The following MAP2K4 variants were observed in gnomAD, a reference collection of about 807,000 sequenced individuals.
MAP2K4 encodes the protein dual specificity mitogen-activated protein kinase kinase 4.
Under a neutral mutation model 48.5 loss-of-function variants are expected in MAP2K4, and 4 were observed. The observed-to-expected ratio is 0.08, with a 90% CI of 0.04 to 0.19. The LOEUF is 0.19. Ranked by LOEUF, MAP2K4 falls within the 10% of genes least tolerant of loss-of-function variation. The pLI is 1.00. For missense variants in MAP2K4, 258 were observed against 493.3 expected, an observed-to-expected ratio of 0.52 and a Z score of 4.52; for synonymous variants, 166 against 173.1, an observed-to-expected ratio of 0.96 and a Z score of 0.32.
chr17:12,022,203 AAAG>A (rs1163441475), intron 1 of MAP2K4, among the ~76,000 whole-genome samples: 1 of 152,226 alleles, frequency 6.6e-6, no homozygotes, highest in Non-Finnish European at 1.5e-5. Flanking sequence ...CATAATTCAG[AAAG>A]AAGAGACAGG....
At chr17:12,044,213 G>A (rs1241088504) in intron 1 of MAP2K4, among the ~76,000 whole-genome samples, 1 of 152,116 alleles carries the variant, frequency 6.6e-6, no homozygotes, top group African/African-American at 2.4e-5. Flanking sequence ...CACACAATTG[G>A]CCCACAGCTT....
At chr17:12,124,837 A>T (rs1972802937) in intron 7 of MAP2K4, 1 of 158,800 alleles carries the variant, frequency 6.3e-6, no homozygotes, top group East Asian at 1.8e-4. Context: ...CACCAGGCCC[A>T]GCTACTTTTT....
rs574381320 is a variant in MAP2K4, at chr17:12,084,670, C to T, written c.393+3140C>T. ...CCTCTACATAAAGTAGGTGCCTGCT[C>T]AGCTCTCTGGCAGGTGGAAATGGGA... On this transcript the variant is annotated intron_variant, in intron 3 of 10. Coordinates refer to ENST00000353533, the MANE Select transcript of MAP2K4 (RefSeq NM_003010.4). Among the ~76,000 whole-genome samples, 5 of 152,292 alleles carry T rather than the reference C, an allele frequency of 3.3e-5. No homozygotes were observed. The East Asian group carries it at 7.7e-4, about 24-fold the overall frequency.
At chr17:12,028,928 C>T (rs1285228978) in intron 1 of MAP2K4, among the ~76,000 whole-genome samples, 3 of 152,134 alleles carry the variant, frequency 2.0e-5, no homozygotes, top group Non-Finnish European at 4.4e-5. Context: ...AGATAATATT[C>T]TTTATTTAAA....
chr17:12,122,662 G>A (rs923224437), intron 7 of MAP2K4, among the ~76,000 whole-genome samples: 6 of 152,108 alleles, frequency 3.9e-5, no homozygotes, highest in African/African-American at 1.4e-4. Context: ...GGGTCCTCCA[G>A]TAGAATCCTG....
intron 1 of MAP2K4, among the ~76,000 whole-genome samples, chr17:12,041,295 T>G (rs1180741332): frequency 6.6e-6 from 1 of 152,268 alleles, no homozygotes; most frequent in African/African-American, 2.4e-5. Flanking sequence ...TGCTAATTAT[T>G]ACAGTATTAC....
intron 1 of MAP2K4, chr17:12,027,061 G>T (rs1323748676): frequency 3.3e-5 from 5 of 152,152 alleles, no homozygotes; most frequent in African/African-American, 1.2e-4. Flanking sequence ...TTTGTAATCT[G>T]GGCAAATTAC....
At chr17:12,087,094 G>C (rs983323499) in intron 3 of MAP2K4, among the ~76,000 whole-genome samples, 1 of 152,038 alleles carries the variant, frequency 6.6e-6, no homozygotes, top group Non-Finnish European at 1.5e-5. Context: ...TGATCTGCCC[G>C]CCTCAGCCTC....
chr17:12,102,750 G>A (rs1971974756), intron 4 of MAP2K4, among the ~76,000 whole-genome samples: 1 of 151,876 alleles, frequency 6.6e-6, no homozygotes, highest in Non-Finnish European at 1.5e-5. Context: ...GTGATCTTTG[G>A]TATTTGTTTC....
At chr17:12,069,139 A>G (rs1970708298) in intron 2 of MAP2K4, among the ~76,000 whole-genome samples, 1 of 152,186 alleles carries the variant, frequency 6.6e-6, no homozygotes, top group East Asian at 1.9e-4. Flanking sequence ...GGCTATGTCT[A>G]ATGTTCTGAG....
intron 1 of MAP2K4, among the ~76,000 whole-genome samples, chr17:12,048,156 C>CG (rs1970025442): frequency 6.6e-6 from 1 of 152,194 alleles, no homozygotes; most frequent in Admixed American, 6.5e-5. Flanking sequence ...GCATGAGTCA[C>CG]CATGTCTGGC....
At chr17:12,033,690 A>G (rs1320048463) in intron 1 of MAP2K4, among the ~76,000 whole-genome samples, 7 of 152,148 alleles carry the variant, frequency 4.6e-5, no homozygotes, top group Non-Finnish European at 8.8e-5. Flanking sequence ...ATTTTGACAC[A>G]TTCACTGTGA....
chr17:12,116,620 T>A (rs1395668502), intron 7 of MAP2K4, among the ~76,000 whole-genome samples: 3 of 152,228 alleles, frequency 2.0e-5, no homozygotes, highest in South Asian at 2.1e-4. Context: ...ACTTGTTTAT[T>A]CTTTTTAAAC....
chr17:12,021,243 A>C, intron 1 of MAP2K4: 1 of 286,464 alleles, frequency 3.5e-6, no homozygotes. Flanking sequence ...CCTGGGCCCT[A>C]CCGGGCTCTC....
chr17:12,043,899 C>T (rs1969875660), intron 1 of MAP2K4, among the ~76,000 whole-genome samples: 2 of 152,064 alleles, frequency 1.3e-5, no homozygotes, highest in South Asian at 4.1e-4. Context: ...TCCTTTTCAC[C>T]TTCCTGGAGG....
At chr17:12,046,457 G>A (rs1969967472) in intron 1 of MAP2K4, among the ~76,000 whole-genome samples, 1 of 152,158 alleles carries the variant, frequency 6.6e-6, no homozygotes, top group South Asian at 2.1e-4. Flanking sequence ...TTTTTATGGG[G>A]TTGGACTAAT....
chr17:12,035,810 TAAAA>T (rs952554555), intron 1 of MAP2K4, among the ~76,000 whole-genome samples: 1 of 152,152 alleles, frequency 6.6e-6, no homozygotes, highest in African/African-American at 2.4e-5. Context: ...CTATCACAAA[TAAAA>T]AAGATTTATT....
rs903555542 is a variant in MAP2K4, at chr17:12,143,401, A to G, written c.*2141A>G. On this transcript the variant is annotated 3_prime_UTR_variant, in exon 11 of 11. Coordinates refer to ENST00000353533, the MANE Select transcript of MAP2K4 (RefSeq NM_003010.4). Reference sequence around the variant, plus strand: ...AAGGGCAAGGAGTTTATTACAATGTATCTTTATTAAAACAAAAGGGTGTAT... The same window carrying G: ...AAGGGCAAGGAGTTTATTACAATGTGTCTTTATTAAAACAAAAGGGTGTAT... 1.4e-4 allele frequency: 33 copies of G among 232,764 alleles called. No homozygotes were observed. The highest frequency in any genetic ancestry group is 2.6e-4 in the Non-Finnish European group (30 of 117,564). The allele number at this position is 232,764 out of a possible 1,614,324, so 14.4% of individuals were successfully genotyped here.
chr17:12,116,556 C>T (rs1460396750), intron 7 of MAP2K4, among the ~76,000 whole-genome samples: 1 of 152,068 alleles, frequency 6.6e-6, no homozygotes, highest in Admixed American at 6.6e-5. Flanking sequence ...ACTGTACAGC[C>T]GTACAAAAAT....
Sources: gnomAD v4.1 joint callset for allele counts (sites outside exome capture counted in the v4.1 genomes callset) on GRCh38, gnomAD v4.1.1 for gene constraint, MANE v1.5 for transcripts, NCBI Gene and HGNC (gene_info 2026-07-23, HGNC 2026-07-21) for gene names.